The following EYS variants were observed in gnomAD, a reference collection of about 807,000 sequenced individuals.
EYS encodes protein eyes shut homolog.
Under a neutral mutation model 282.1 loss-of-function variants are expected in EYS, and 250 were observed. The observed-to-expected ratio is 0.89, with a 90% CI of 0.80 to 0.98. The LOEUF (loss-of-function observed/expected upper bound fraction) is 0.98. Ranked by LOEUF, EYS falls within the 50% of genes least tolerant of loss-of-function variation. EYS has a pLI of 0.00. For missense variants in EYS, 4,016 were observed against 3,709.0 expected, an observed-to-expected ratio of 1.08 and a Z score of -2.15; for synonymous variants, 1,355 against 1,282.9, an observed-to-expected ratio of 1.06 and a Z score of -1.20.
At chr6:64,594,585 G>T (rs924787227) in intron 24 of EYS, among the ~76,000 whole-genome samples, 1 of 150,568 alleles carries the variant, frequency 6.6e-6, no homozygotes, top group African/African-American at 2.4e-5. Flanking sequence ...GCAAACTATC[G>T]CAAGGACAAA....
rs956756219 is a variant in EYS at position 64,439,132 on chromosome 6, T to C, written c.5835+30A>G. 10 of 1,269,948 alleles carry C rather than the reference T, an allele frequency of 7.9e-6. No homozygotes were observed. In the Admixed American group the frequency reaches 3.4e-4, roughly 43 times the overall value. 78.7% of individuals were successfully genotyped at this position (1,269,948 alleles called of 1,614,324 possible). A position where few individuals can be genotyped will look rare whatever the true frequency, so the allele number is the denominator to read the frequency against. ...CATAATTAGAACAACTTTGTAATTT[T>C]TAAAAAATTAAATGAACTGAATAAC... On this transcript the variant is annotated intron_variant, in intron 27 of 42. Transcript: ENST00000503581.
At chr6:64,358,063 G>C (rs528940910) in intron 29 of EYS, among the ~76,000 whole-genome samples, 19 of 151,714 alleles carry the variant, frequency 1.3e-4, no homozygotes, top group South Asian at 8.3e-4. Flanking sequence ...TATGTCTCCT[G>C]TTATTGGATA....
chr6:64,165,099 C>A (rs1032290062), intron 31 of EYS, among the ~76,000 whole-genome samples: 9 of 152,050 alleles, frequency 5.9e-5, no homozygotes, highest in Non-Finnish European at 1.0e-4. Flanking sequence ...ATGTTAATGG[C>A]TGACTATAAG....
intron 12 of EYS, among the ~76,000 whole-genome samples, chr6:65,261,509 A>G (rs1767619729): frequency 6.6e-6 from 1 of 152,048 alleles, no homozygotes; most frequent in Non-Finnish European, 1.5e-5. Flanking sequence ...AGTAAACTCA[A>G]TTATGGTTTG....
chr6:65,236,814 G>A (rs1425870186), intron 12 of EYS, among the ~76,000 whole-genome samples: 1 of 152,130 alleles, frequency 6.6e-6, no homozygotes. Context: ...TTTCGTCACA[G>A]CAACTTAGGA....
At chr6:64,865,200 T>C (rs144157098) in intron 19 of EYS, among the ~76,000 whole-genome samples, 139 of 152,284 alleles carry the variant, frequency 9.1e-4, no homozygotes, top group African/African-American at 3.2e-3. Context: ...TACTTTCAAG[T>C]AACTCAAATA....
intron 34 of EYS, among the ~76,000 whole-genome samples, chr6:63,992,976 G>C (rs1005626715): frequency 6.6e-6 from 1 of 151,744 alleles, no homozygotes; most frequent in Non-Finnish European, 1.5e-5. Context: ...CTTGAGATCT[G>C]ATGGTTTTAT....
At chr6:64,873,982 C>T (rs911384934) in intron 19 of EYS, among the ~76,000 whole-genome samples, 1 of 151,722 alleles carries the variant, frequency 6.6e-6, no homozygotes, top group Admixed American at 6.6e-5. Flanking sequence ...ATTTATTTTC[C>T]CCATTAAAAG....
At chr6:64,032,421 C>T (rs1404600009) in intron 33 of EYS, among the ~76,000 whole-genome samples, 1 of 152,152 alleles carries the variant, frequency 6.6e-6, no homozygotes, top group African/African-American at 2.4e-5. Context: ...AAGGGAAAAA[C>T]TTTTTCTATA....
Position 64,591,111 on chromosome 6 carries a change from ATG to A in EYS, c.4754_4755del (p.Thr1585IlefsTer31). The part of the protein sequence containing the change: ...LHSKQSHFYE[T>X]FWMNSAILAS... Reference sequence around the variant, plus strand: ...GCTAATATCGCTGAGTTCATCCAGAATGTCTCATAAAAGTGGGACTGTTTGCT... The same window carrying A: ...GCTAATATCGCTGAGTTCATCCAGAATCTCATAAAAGTGGGACTGTTTGCT... On this transcript the variant is annotated frameshift_variant, in exon 26 of 43. Transcript: ENST00000503581. LOFTEE classifies it high-confidence loss of function. 1 of 1,551,310 alleles carries A rather than the reference ATG, an allele frequency of 6.4e-7. No homozygotes were observed. The highest frequency in any genetic ancestry group is 8.7e-7 in the Non-Finnish European group (1 of 1,146,786).
chr6:64,737,335 C>T (rs969852057), intron 22 of EYS, among the ~76,000 whole-genome samples: 4 of 152,070 alleles, frequency 2.6e-5, no homozygotes, highest in African/African-American at 9.7e-5. Context: ...TAGTAAAAGA[C>T]CAAGTTTTAT....
chr6:64,858,207 C>T (rs1195305438), intron 19 of EYS, among the ~76,000 whole-genome samples: 1 of 151,932 alleles, frequency 6.6e-6, no homozygotes, highest in African/African-American at 2.4e-5. Context: ...GCTATGTTTT[C>T]TTTTAGTAGG....
intron 29 of EYS, among the ~76,000 whole-genome samples, chr6:64,371,948 G>A (rs1248125647): frequency 1.3e-5 from 2 of 151,920 alleles, no homozygotes; most frequent in Non-Finnish European, 2.9e-5. Context: ...AATAACATTG[G>A]GTTTTGCTTC....
chr6:64,066,846 A>G (rs1771389393), intron 32 of EYS, among the ~76,000 whole-genome samples: 1 of 152,168 alleles, frequency 6.6e-6, no homozygotes, highest in African/African-American at 2.4e-5. Flanking sequence ...AAATAAAATA[A>G]TAAATGAAAA....
chr6:65,610,991 C>T (rs1765978976), intron 2 of EYS, among the ~76,000 whole-genome samples: 2 of 152,006 alleles, frequency 1.3e-5, no homozygotes, highest in African/African-American at 2.4e-5. Context: ...TTACAATTAT[C>T]TTTCAGGCAA....
intron 1 of EYS, among the ~76,000 whole-genome samples, chr6:65,697,782 G>A (rs1465752718): frequency 6.6e-6 from 1 of 151,984 alleles, no homozygotes; most frequent in Non-Finnish European, 1.5e-5. Context: ...AAATCATCAC[G>A]GCATTACATC....
chr6:65,042,289 T>C (rs1309828636), intron 13 of EYS, among the ~76,000 whole-genome samples: 1 of 151,640 alleles, frequency 6.6e-6, no homozygotes, highest in African/African-American at 2.4e-5. Flanking sequence ...AGCTGGGCCT[T>C]GATTTTTTTA....
intron 26 of EYS, among the ~76,000 whole-genome samples, chr6:64,476,072 T>A (rs1776258912): frequency 6.6e-6 from 1 of 152,188 alleles, no homozygotes; most frequent in Non-Finnish European, 1.5e-5. Flanking sequence ...ATTACAGGTG[T>A]AAGCCACTGT....
chr6:65,054,016 A>C (rs963929041), intron 13 of EYS, among the ~76,000 whole-genome samples: 4 of 151,972 alleles, frequency 2.6e-5, no homozygotes, highest in African/African-American at 9.7e-5. Flanking sequence ...AGAGTTTCTA[A>C]GTTTTACAAA....
Sources: allele counts gnomAD v4.1 joint callset (sites outside exome capture counted in the v4.1 genomes callset), GRCh38; gene constraint gnomAD v4.1.1; transcripts MANE v1.5; gene names NCBI Gene and HGNC (gene_info 2026-07-23, HGNC 2026-07-21).